The following ACACA variants were observed in gnomAD, a reference collection of about 807,000 sequenced individuals.
The protein encoded by ACACA is acetyl-CoA carboxylase 1.
A neutral mutation model predicts 296.1 loss-of-function variants in ACACA; 103 were observed. That is an observed-to-expected ratio of 0.35 (90% confidence interval 0.30 to 0.41). The LOEUF is 0.41. ACACA is among the 10% of genes least tolerant of loss of function. The pLI is 1.00. For synonymous variants in ACACA, 953 were observed against 1,038.6 expected, an observed-to-expected ratio of 0.92 and a Z score of 1.58; for missense variants, 1,554 against 2,989.7, an observed-to-expected ratio of 0.52 and a Z score of 11.20.
chr17:37,238,075 G>C (rs1265210356), intron 24 of ACACA, among the ~76,000 whole-genome samples: 1 of 152,128 alleles, frequency 6.6e-6, no homozygotes, highest in East Asian at 1.9e-4. Flanking sequence ...TTGATGAACA[G>C]AAGTTCTTGA....
intron 3 of ACACA, among the ~76,000 whole-genome samples, chr17:37,301,148 G>A (rs1405818088): frequency 2.0e-5 from 3 of 151,962 alleles, no homozygotes; most frequent in Admixed American, 6.6e-5. Context: ...CTCAATAATC[G>A]AGTTTATGCT....
intron 1 of ACACA, among the ~76,000 whole-genome samples, chr17:37,371,291 C>T (rs984685975): frequency 2.0e-5 from 3 of 151,718 alleles, no homozygotes; most frequent in Non-Finnish European, 2.9e-5. Flanking sequence ...GTTGGTCAGG[C>T]GTGTCTTGAA....
chr17:37,180,119 A>G (rs1032321382), intron 40 of ACACA, among the ~76,000 whole-genome samples: 3 of 152,188 alleles, frequency 2.0e-5, no homozygotes, highest in Admixed American at 2.0e-4. Flanking sequence ...ATACATACCT[A>G]TGTGTCCTAA....
chr17:37,374,979 T>A (rs1224061353), intron 1 of ACACA, among the ~76,000 whole-genome samples: 1 of 149,152 alleles, frequency 6.7e-6, no homozygotes, highest in Non-Finnish European at 1.5e-5. Context: ...GCAGATCACT[T>A]GAGGTCAGGA....
chr17:37,194,865 C>A (rs1333435677), intron 35 of ACACA, among the ~76,000 whole-genome samples: 5 of 152,010 alleles, frequency 3.3e-5, no homozygotes, highest in Non-Finnish European at 7.4e-5. Flanking sequence ...TTTTTAAAAG[C>A]CTTTTTAAAG....
intron 30 of ACACA, 106 bp downstream of exon 30, chr17:37,210,361 A>G (rs2078691390): frequency 2.8e-6 from 3 of 1,058,786 alleles, no homozygotes; most frequent in Non-Finnish European, 4.4e-6. Flanking sequence ...TCCCTAGCAG[A>G]TAACACATTA....
chr17:37,207,951 T>G (rs2078582155), intron 30 of ACACA, 151 bp from the exon 31 acceptor site: 7 of 818,308 alleles, frequency 8.6e-6, no homozygotes, highest in Non-Finnish European at 1.4e-5. Flanking sequence ...TGGATAAGGT[T>G]GTTTTGCTGG....
In ACACA at chr17:37,161,847, G is replaced by T. The variant is rs542225040; in HGVS notation, c.5283C>A (p.Ile1761=). 1 of 1,614,062 alleles carries T rather than the reference G, an allele frequency of 6.2e-7. No homozygotes were observed. Among genetic ancestry groups the T allele is most frequent in the South Asian group, 1.1e-5 (1 of 91,072 alleles). ...IYVSANSGAR[I]GLAEEIRHMF... The stretch of plus-strand genomic sequence containing the variant: ...TATGGCGAATTTCTTCTGCCAGTCC[G>T]ATTCTTGCTCCACTGTTGGCTGATA... Residue 1761 remains isoleucine, a synonymous_variant, in exon 42 of 56, where the codon ATC becomes ATA. Transcript: ENST00000616317.
intron 41 of ACACA, among the ~76,000 whole-genome samples, chr17:37,174,003 TATA>T (rs2076996858): frequency 7.6e-5 from 1 of 13,226 alleles, no homozygotes; most frequent in African/African-American, 4.8e-4. Flanking sequence ...TATATATATA[TATA>T]TATATATATA....
intron 3 of ACACA, among the ~76,000 whole-genome samples, chr17:37,315,890 T>C (rs547145114): frequency 1.3e-5 from 2 of 152,246 alleles, no homozygotes; most frequent in Non-Finnish European, 2.9e-5. Context: ...TTAGCTCAAT[T>C]TTCAGCCCCT....
In ACACA at chr17:37,085,920, G is replaced by C. The variant is rs151241736; in HGVS notation, c.*1396C>G. The C allele has an allele frequency of 2.5e-6, 1 of 398,388 alleles. No homozygotes were observed. Among genetic ancestry groups the C allele is most frequent in the Non-Finnish European group, 4.4e-6 (1 of 226,066 alleles). 24.7% of individuals were successfully genotyped at this position (398,388 alleles called of 1,614,324 possible). ...TGCAGTTAGCTGCACTAAAGGAACC[G>C]GATGCTACACCAGCCCTGATCACCT... On this transcript the variant is annotated 3_prime_UTR_variant, in exon 56 of 56. Coordinates refer to ENST00000616317, the MANE Select transcript of ACACA (RefSeq NM_198834.3).
intron 10 of ACACA, among the ~76,000 whole-genome samples, chr17:37,268,087 C>T (rs2081876305): frequency 6.6e-6 from 1 of 152,102 alleles, no homozygotes; most frequent in Non-Finnish European, 1.5e-5. Context: ...TCAATCTTGC[C>T]TTTACTTTCC....
chr17:37,274,587 G>A (rs2082198302), intron 8 of ACACA: 36 of 969,200 alleles, frequency 3.7e-5, no homozygotes, highest in Non-Finnish European at 4.4e-5. Context: ...AAAGAACATA[G>A]CATACTTCTC....
intron 15 of ACACA, among the ~76,000 whole-genome samples, chr17:37,252,439 AC>A (rs2146111647): frequency 6.6e-6 from 1 of 152,300 alleles, no homozygotes; most frequent in African/African-American, 2.4e-5. Flanking sequence ...TCAAAGAAAA[AC>A]GGTGTATAGC....
At chr17:37,163,327 A>G (rs1400769903) in intron 41 of ACACA, among the ~76,000 whole-genome samples, 1 of 151,712 alleles carries the variant, frequency 6.6e-6, no homozygotes, top group African/African-American at 2.4e-5. Flanking sequence ...CCAAGATCAT[A>G]AGCTTCCTGA....
At chr17:37,143,544 C>T in intron 45 of ACACA, 3 of 511,022 alleles carry the variant, frequency 5.9e-6, no homozygotes, top group South Asian at 4.0e-5. Context: ...GTTAACTATA[C>T]AAAAGAAGAC....
Position 37,207,715 on chromosome 17 carries a change from G to T in ACACA, c.3793C>A (p.Pro1265Thr), listed in dbSNP as rs568918250. The T allele has an allele frequency of 3.1e-6, 5 of 1,614,064 alleles. 1 individual carries two copies. The South Asian group carries it at 5.5e-5, about 18-fold the overall frequency. ...SDVLLDNSFTPPCQRMGGMVS... is the reference protein window; with the variant it reads ...SDVLLDNSFTTPCQRMGGMVS... ...ATTCCGCCCATCCGCTGACAAGGTGGAGTGAATGAGTTGTCCAACAGTACA... is the reference window on the plus strand; with the variant it reads ...ATTCCGCCCATCCGCTGACAAGGTGTAGTGAATGAGTTGTCCAACAGTACA... Residue 1265 changes from proline to threonine, a missense_variant, in exon 31 of 56, where the codon CCA becomes ACA. Around this residue, in one of 16 missense-constraint regions of ACACA, gnomAD observed 179 missense variants for 283.2 expected, o/e 0.63. Transcript: ENST00000616317.
intron 1 of ACACA, among the ~76,000 whole-genome samples, chr17:37,400,752 G>GTGTGTC (rs2051256816): frequency 6.6e-6 from 1 of 152,020 alleles, no homozygotes; most frequent in Non-Finnish European, 1.5e-5. Flanking sequence ...GTGTGTGTGT[G>GTGTGTC]TGTGTGTGTA....
intron 2 of ACACA, among the ~76,000 whole-genome samples, chr17:37,332,910 G>GAAAA (rs58422225): frequency 1.3e-5 from 1 of 76,896 alleles, no homozygotes. Context: ...ACTCTGTCTA[G>GAAAA]AAAAAAAAAA....
Sources: gnomAD v4.1 joint callset for allele counts (sites outside exome capture counted in the v4.1 genomes callset) on GRCh38, gnomAD v4.1.1 for gene constraint, gnomAD v4.1.1 regional missense constraint, MANE v1.5 for transcripts, NCBI Gene and HGNC (gene_info 2026-07-23, HGNC 2026-07-21) for gene names.